Variants in NDUFA10 observed in about 807,000 individuals in gnomAD.
The protein encoded by NDUFA10 is NADH:ubiquinone oxidoreductase subunit A10, also known as NADH dehydrogenase [ubiquinone] 1 alpha subcomplex subunit 10, mitochondrial.
Under a neutral mutation model 47.8 loss-of-function variants are expected in NDUFA10, and 40 were observed. The ratio of observed to expected loss-of-function variants is 0.84; its 90% confidence interval spans 0.65 to 1.09. The LOEUF (loss-of-function observed/expected upper bound fraction) is 1.09, where lower values mean the gene tolerates loss of function less well. Among genes scored for constraint, NDUFA10 ranks in the 50% least tolerant of loss-of-function variants. The pLI is 0.00. For synonymous variants in NDUFA10, 183 were observed against 172.2 expected, an observed-to-expected ratio of 1.06 and a Z score of -0.49; for missense variants, 413 against 451.1, an observed-to-expected ratio of 0.92 and a Z score of 0.76.
At chr2:239,984,618 G>A (rs1219084951) in intron 9 of NDUFA10, among the ~76,000 whole-genome samples, 3 of 152,208 alleles carry the variant, frequency 2.0e-5, no homozygotes, top group Non-Finnish European at 4.4e-5. Flanking sequence ...AGCTCACCAT[G>A]TAACTGTTAA....
chr2:239,966,017 G>C (rs1559327733), intron 9 of NDUFA10, among the ~76,000 whole-genome samples: 1 of 152,016 alleles, frequency 6.6e-6, no homozygotes, highest in Non-Finnish European at 1.5e-5. Flanking sequence ...TTACTGAAGG[G>C]AAAAAAAACC....
At chr2:239,952,693 C>G (rs1416933080), downstream of NDUFA10, among the ~76,000 whole-genome samples, 1 of 152,204 alleles carries the variant, frequency 6.6e-6, no homozygotes, top group Non-Finnish European at 1.5e-5. Flanking sequence ...CATGGGACAG[C>G]CTATGTCCAC....
rs772226484 is a variant in NDUFA10, at chr2:239,990,169, A to T, written c.904T>A (p.Phe302Ile). ...YHLRLLVQDK[F>I]EVLNYTSIPI... ...ATGCTTGTGTAATTCAGCACCTCAA[A>T]CTTATCCTGAACCCTAAAAAATAAG... Residue 302 changes from phenylalanine to isoleucine, a missense_variant, in exon 9 of 10, where the codon TTT (phenylalanine) becomes ATT (isoleucine). Coordinates refer to ENST00000252711, the MANE Select transcript of NDUFA10 (RefSeq NM_004544.4). 1 of 1,612,686 alleles carries T rather than the reference A, an allele frequency of 6.2e-7. No individual in the cohort carries two copies. The highest frequency in any genetic ancestry group is 8.5e-7 in the Non-Finnish European group (1 of 1,178,754).
At position 240,007,319 on chromosome 2, in the gene NDUFA10, T is replaced by G. The variant is rs1696982872; in HGVS notation, c.801A>C (p.Lys267Asn). The G allele has an allele frequency of 6.3e-7, 1 of 1,587,672 alleles. No homozygotes were observed. Among genetic ancestry groups the G allele is most frequent in the Non-Finnish European group, 8.7e-7 (1 of 1,155,964 alleles). ...AACTTTTCAACCATTTTCTTACCTT[T>G]TTTGAATCTTGAGCTTCCCTTGCAG... ...QYSAREAQDSKKVVEDIEYLK... is the reference protein window; with the variant it reads ...QYSAREAQDSNKVVEDIEYLK... The change falls in exon 7 of 10, where the codon AAA becomes AAC. Residue 267 changes from lysine (K) to asparagine (N), a missense_variant. Coordinates refer to ENST00000252711, the MANE Select transcript of NDUFA10 (RefSeq NM_004544.4).
At chr2:239,948,610 C>T (rs1444428146) in intron 4 of NDUFA10, among the ~76,000 whole-genome samples, 2 of 152,262 alleles carry the variant, frequency 1.3e-5, no homozygotes, top group South Asian at 2.1e-4. Flanking sequence ...CACAAATACA[C>T]GTCGGTGGGA....
intron 4 of NDUFA10, among the ~76,000 whole-genome samples, chr2:239,915,223 A>G (rs941013474): frequency 2.7e-5 from 4 of 149,736 alleles, no homozygotes; most frequent in Non-Finnish European, 5.9e-5. Context: ...ACAGACACAG[A>G]GAGACACAGA....
At chr2:239,908,701 C>T (rs1298192580) in intron 4 of NDUFA10, among the ~76,000 whole-genome samples, 2 of 152,220 alleles carry the variant, frequency 1.3e-5, no homozygotes, top group African/African-American at 4.8e-5. Flanking sequence ...GAGATCACTC[C>T]CTTATTCGCA....
intron 9 of NDUFA10, among the ~76,000 whole-genome samples, chr2:239,974,966 C>T (rs1192762005): frequency 3.4e-5 from 5 of 147,970 alleles, no homozygotes; most frequent in Admixed American, 1.4e-4. Context: ...GACACTCCTC[C>T]GCCACCAAAG....
chr2:239,900,542 C>T (rs1693525047), intron 4 of NDUFA10, among the ~76,000 whole-genome samples: 1 of 148,914 alleles, frequency 6.7e-6, no homozygotes, highest in African/African-American at 2.5e-5. Flanking sequence ...AGTAGGTAAC[C>T]TGTGCTTTTT....
intron 8 of NDUFA10, among the ~76,000 whole-genome samples, chr2:239,990,436 C>T (rs1021214057): frequency 2.6e-5 from 4 of 152,116 alleles, no homozygotes; most frequent in African/African-American, 7.2e-5. Flanking sequence ...CTACATAGGA[C>T]GACCTTCTGG....
At position 239,991,270 on chromosome 2, in the gene NDUFA10, G is replaced by A. The variant is rs1696235154; in HGVS notation, c.891-1088C>T. 2.6e-5 allele frequency among the ~76,000 whole-genome samples: 4 copies of A among 152,304 alleles called. No homozygotes were observed. The South Asian group carries it at 6.2e-4, about 24-fold the overall frequency. ...GAGTGGACGGTAGGTATAGCGTCAG[G>A]AGCGTCCTAGTAAAAACCGCGTCGC... On this transcript the variant is annotated intron_variant, in intron 8 of 9. Transcript: ENST00000252711.
intron 9 of NDUFA10, among the ~76,000 whole-genome samples, chr2:239,980,977 G>A (rs755149632): frequency 2.0e-5 from 3 of 152,302 alleles, no homozygotes; most frequent in Admixed American, 6.5e-5. Context: ...ACACAGGTTC[G>A]AGGGTTGAAA....
chr2:239,924,999 C>T (rs930916488), intron 4 of NDUFA10, among the ~76,000 whole-genome samples: 3 of 152,018 alleles, frequency 2.0e-5, no homozygotes, highest in Non-Finnish European at 4.4e-5. Context: ...AATAAACATG[C>T]CATGTGCAGG....
chr2:239,989,891 C>T lies in NDUFA10; in HGVS notation c.999+183G>A, dbSNP rs4149550. On this transcript the variant is annotated intron_variant, in intron 9 of 9. Transcript: ENST00000252711. ...CTCTGGGGCTGTCATCTGAGGACTT[C>T]ATCAGCTTTCCACACAGAAATACGG... Among the ~76,000 whole-genome samples, 29,841 of 152,206 alleles carry T rather than the reference C, an allele frequency of 0.2. 3,272 individuals are homozygous for T. The highest frequency in any genetic ancestry group is 0.3 in the African/African-American group (12,334 of 41,494).
chr2:239,998,665 T>C (rs1399991501), intron 8 of NDUFA10, among the ~76,000 whole-genome samples: 2 of 152,186 alleles, frequency 1.3e-5, no homozygotes, highest in African/African-American at 4.8e-5. Flanking sequence ...ACCTGAGTAG[T>C]TGCGAAGCAG....
chr2:239,995,204 G>C (rs1279614473), intron 8 of NDUFA10, among the ~76,000 whole-genome samples: 1 of 152,124 alleles, frequency 6.6e-6, no homozygotes, highest in Non-Finnish European at 1.5e-5. Flanking sequence ...AACCCAGGAA[G>C]GGGAGGCTGC....
At chr2:240,008,829 A>T (rs1291645672) in intron 6 of NDUFA10, among the ~76,000 whole-genome samples, 1 of 152,228 alleles carries the variant, frequency 6.6e-6, no homozygotes, top group Non-Finnish European at 1.5e-5. Context: ...TGATGAGAGC[A>T]ACCTGGAGAG....
chr2:239,978,795 C>T (rs930017793), intron 9 of NDUFA10, among the ~76,000 whole-genome samples: 1 of 152,134 alleles, frequency 6.6e-6, no homozygotes, highest in Non-Finnish European at 1.5e-5. Flanking sequence ...GAAGGTGAGT[C>T]GCTAAAATAA....
intron 5 of NDUFA10, among the ~76,000 whole-genome samples, chr2:239,892,889 AG>A: frequency 6.6e-6 from 1 of 152,322 alleles, no homozygotes; most frequent in East Asian, 1.9e-4. Context: ...ATGTGTAGGC[AG>A]GGGGGCAAGG....
Sources: gnomAD v4.1 joint callset for allele counts (sites outside exome capture counted in the v4.1 genomes callset) on GRCh38, gnomAD v4.1.1 for gene constraint, MANE v1.5 for transcripts, NCBI Gene and HGNC (gene_info 2026-07-23, HGNC 2026-07-21) for gene names.